Variants in DNAI4 observed in about 807,000 individuals in gnomAD.
DNAI4 encodes dynein axonemal intermediate chain 4.
A neutral mutation model predicts 105.8 loss-of-function variants in DNAI4; 85 were observed. The ratio of observed to expected loss-of-function variants is 0.80; its 90% CI spans 0.67 to 0.96. The LOEUF is 0.96. Among genes scored for constraint, DNAI4 ranks in the 40% least tolerant of loss-of-function variants. DNAI4 has a pLI of 0.00. For synonymous variants in DNAI4, 352 were observed against 331.5 expected (o/e 1.06, Z -0.67); for missense variants, 1,014 against 1,005.6 (o/e 1.01, Z -0.11).
chr1:66,897,981 C>A (rs751185985), intron 2 of DNAI4, among the ~76,000 whole-genome samples: 1 of 152,126 alleles, frequency 6.6e-6, no homozygotes, highest in South Asian at 2.1e-4. Context: ...CCTGGGAGAG[C>A]TATACTGTAG....
chr1:66,830,735 C>T (rs1645848539), intron 13 of DNAI4, among the ~76,000 whole-genome samples: 1 of 151,110 alleles, frequency 6.6e-6, no homozygotes, highest in African/African-American at 2.4e-5. Context: ...GAGCCAAGAT[C>T]ACTCCACTGC....
chr1:66,837,897 G>T, intron 9 of DNAI4, 101 bp from the exon 10 acceptor site: 2 of 1,141,760 alleles, frequency 1.8e-6, no homozygotes, highest in Non-Finnish European at 2.5e-6. Flanking sequence ...AAAAATAGTA[G>T]TAAGACATTT....
intron 2 of DNAI4, among the ~76,000 whole-genome samples, chr1:66,896,356 A>G (rs1487222767): frequency 1.6e-4 from 25 of 152,348 alleles, no homozygotes; most frequent in Non-Finnish European, 5.9e-5. Context: ...TGCTTTTAAC[A>G]TGTACAATTC....
chr1:66,833,361 A>C (rs139539495), intron 13 of DNAI4, among the ~76,000 whole-genome samples: 36 of 151,850 alleles, frequency 2.4e-4, no homozygotes, highest in Admixed American at 1.9e-3. Context: ...CCCCCAAAAA[A>C]CTCTATTATC....
At chr1:66,844,210 ATATT>A (rs1183357288) in intron 8 of DNAI4, among the ~76,000 whole-genome samples, 2 of 151,906 alleles carry the variant, frequency 1.3e-5, no homozygotes, top group African/African-American at 4.8e-5. Flanking sequence ...TTTACTATAT[ATATT>A]TATCTTAAAA....
intron 6 of DNAI4, among the ~76,000 whole-genome samples, chr1:66,864,406 T>A (rs927001590): frequency 3.9e-5 from 6 of 152,146 alleles, no homozygotes; most frequent in African/African-American, 1.4e-4. Context: ...CCTTTTTTTT[T>A]AAGCATTTCT....
At chr1:66,896,989 C>T (rs1316558176) in intron 2 of DNAI4, among the ~76,000 whole-genome samples, 1 of 152,150 alleles carries the variant, frequency 6.6e-6, no homozygotes, top group Non-Finnish European at 1.5e-5. Context: ...TAGAAAAAGG[C>T]TGCATTGCCA....
intron 1 of DNAI4, among the ~76,000 whole-genome samples, chr1:66,917,870 G>A (rs1650181047): frequency 6.6e-6 from 1 of 152,166 alleles, no homozygotes; most frequent in Admixed American, 6.5e-5. Context: ...TTTCCTTTAA[G>A]GAATCAAACG....
At chr1:66,903,461 G>C (rs946162875) in intron 2 of DNAI4, among the ~76,000 whole-genome samples, 1 of 152,088 alleles carries the variant, frequency 6.6e-6, no homozygotes, top group Non-Finnish European at 1.5e-5. Flanking sequence ...GATCACATCA[G>C]AGAGAACTTT....
intron 13 of DNAI4, among the ~76,000 whole-genome samples, chr1:66,829,702 T>C (rs916696819): frequency 6.6e-6 from 1 of 152,146 alleles, no homozygotes; most frequent in African/African-American, 2.4e-5. Flanking sequence ...TGAACAACAT[T>C]ATCAGCCAAT....
chr1:66,817,792 C>T (rs1645548693), intron 16 of DNAI4, among the ~76,000 whole-genome samples: 1 of 152,112 alleles, frequency 6.6e-6, no homozygotes, highest in African/African-American at 2.4e-5. Context: ...TGTGTAACTA[C>T]AATTTAGGAG....
At chr1:66,835,870 G>A in intron 10 of DNAI4, 93 bp from the exon 11 acceptor site, 2 of 1,134,114 alleles carry the variant, frequency 1.8e-6, no homozygotes, top group Non-Finnish European at 2.6e-6. Flanking sequence ...GGTGGCAGTG[G>A]GTATGTGAGC....
In DNAI4 at chr1:66,829,432, C is replaced by T. The variant is rs76854195; in HGVS notation, c.2014-1522G>A. Among the ~76,000 whole-genome samples the T allele has an allele frequency of 8.0e-3, 1,216 of 151,988 alleles. 14 individuals are homozygous for T. The highest frequency in any genetic ancestry group is 0.028 in the African/African-American group (1,168 of 41,486). ...CTGAAGTGGCTATACTAATATCATG[C>T]TAAGTAGATTTCAGAGTAAAAAAAA... On this transcript the variant is annotated intron_variant, in intron 13 of 16. Coordinates refer to ENST00000371026, the MANE Select transcript of DNAI4 (RefSeq NM_024763.5).
intron 13 of DNAI4, among the ~76,000 whole-genome samples, chr1:66,829,029 C>A (rs1445895826): frequency 6.6e-6 from 1 of 152,086 alleles, no homozygotes; most frequent in Non-Finnish European, 1.5e-5. Context: ...TCAGGAACAA[C>A]CTCTATGTGG....
chr1:66,903,609 T>C (rs1300740331), intron 2 of DNAI4, among the ~76,000 whole-genome samples: 1 of 152,178 alleles, frequency 6.6e-6, no homozygotes. Context: ...TTCTCCTGCC[T>C]CAGACTCCCA....
chr1:66,871,396 CATTG>C lies in DNAI4; in HGVS notation c.910_913del (p.Gln304ValfsTer5). 6.2e-7 allele frequency: 1 copy of C among 1,609,886 alleles called. No homozygotes were observed. On this transcript the variant is annotated frameshift_variant, in exon 6 of 17. Coordinates refer to ENST00000371026, the MANE Select transcript of DNAI4 (RefSeq NM_024763.5). LOFTEE classifies it high-confidence loss of function. ...TTTATCTTCCATTATGATTTTATCA[CATTG>C]AACATCTTTATTCTTTGGTGCTCCA...
intron 13 of DNAI4, among the ~76,000 whole-genome samples, chr1:66,832,745 C>A: frequency 6.6e-6 from 1 of 152,094 alleles, no homozygotes; most frequent in East Asian, 1.9e-4. Flanking sequence ...GATTATTACT[C>A]ATTGCATGCC....
At chr1:66,849,434 CAAAGCCTGCTA>C (rs943063462) in intron 7 of DNAI4, among the ~76,000 whole-genome samples, 1 of 152,156 alleles carries the variant, frequency 6.6e-6, no homozygotes, top group African/African-American at 2.4e-5. Context: ...CAGTGTCAAA[CAAAGCCTGCTA>C]AAATGGAAGT....
chr1:66,868,112 T>C (rs1020285644), intron 6 of DNAI4, among the ~76,000 whole-genome samples: 17 of 152,250 alleles, frequency 1.1e-4, no homozygotes, highest in African/African-American at 3.1e-4. Context: ...GCTTTCCTGA[T>C]ATTTAATAAT....
Sources: gnomAD v4.1 joint callset for allele counts (sites outside exome capture counted in the v4.1 genomes callset) on GRCh38, gnomAD v4.1.1 for gene constraint, MANE v1.5 for transcripts, NCBI Gene and HGNC (gene_info 2026-07-23, HGNC 2026-07-21) for gene names.